The following DUSP10 variants were observed in gnomAD, a reference collection of about 807,000 sequenced individuals.
DUSP10 encodes dual specificity protein phosphatase 10.
DUSP10 carries 14 observed loss-of-function variants against 30.8 expected under a neutral mutation model. That is an observed-to-expected ratio of 0.46 (90% confidence interval 0.30 to 0.71). The LOEUF is 0.71. Ranked by LOEUF, DUSP10 falls within the 30% of genes least tolerant of loss-of-function variation. The pLI is 0.08. For synonymous variants in DUSP10, 254 were observed against 250.4 expected (o/e 1.01, Z -0.14); for missense variants, 550 against 619.4 (o/e 0.89, Z 1.19).
At chr1:221,727,317 C>T (rs1311693450) in intron 2 of DUSP10, among the ~76,000 whole-genome samples, 1 of 152,196 alleles carries the variant, frequency 6.6e-6, no homozygotes, top group African/African-American at 2.4e-5. Context: ...ACAAGATTTG[C>T]TTATTTAACA....
chr1:221,739,011 C>A lies in DUSP10; in HGVS notation c.734G>T (p.Arg245Leu). The change falls in exon 2 of 4, where the codon CGA becomes CTA. Residue 245 changes from arginine (R) to leucine (L), a missense_variant. By Grantham distance (102) the Arg-to-Leu change is moderately radical (BLOSUM62 -2). Coordinates refer to ENST00000366899, the MANE Select transcript of DUSP10 (RefSeq NM_007207.6). The part of the protein sequence containing the change: ...VYDENTNEPS[R>L]VMPSQPLHIV... ...GTGAAGTGGCTGGGAGGGCATCACT[C>A]GGCTTGGTTCATTGGTATTCTCATC... 6.2e-7 allele frequency: 1 copy of A among 1,614,126 alleles called. No individual in the cohort carries two copies. The highest frequency in any genetic ancestry group is 8.5e-7 in the Non-Finnish European group (1 of 1,179,994).
At chr1:221,737,848 C>A (rs931936249) in intron 2 of DUSP10, among the ~76,000 whole-genome samples, 1 of 152,216 alleles carries the variant, frequency 6.6e-6, no homozygotes, top group Non-Finnish European at 1.5e-5. Flanking sequence ...TGTCCTATTG[C>A]AATTTAAATA....
At chr1:221,724,296 C>T (rs111863907) in intron 2 of DUSP10, among the ~76,000 whole-genome samples, 4,519 of 152,132 alleles carry the variant, frequency 0.03, 242 homozygotes, top group African/African-American at 0.1. Flanking sequence ...ACATTGAGAT[C>T]GGCAACATTT....
At chr1:221,719,136 C>T (rs1286635582) in intron 2 of DUSP10, among the ~76,000 whole-genome samples, 1 of 152,174 alleles carries the variant, frequency 6.6e-6, no homozygotes, top group East Asian at 1.9e-4. Flanking sequence ...GGTCAAAGAG[C>T]TCTGGCTTAG....
chr1:221,736,315 T>C (rs1661769727), intron 2 of DUSP10, among the ~76,000 whole-genome samples: 1 of 152,192 alleles, frequency 6.6e-6, no homozygotes, highest in Non-Finnish European at 1.5e-5. Flanking sequence ...CCCAAGATTG[T>C]ACTGAAATCT....
chr1:221,702,369 G>T lies in DUSP10; in HGVS notation c.*43C>A. ...CCAGAATCCATCCTCCTTCCTCATTGTCTCCTAATGGAGAGCAGCAATCCT... is the reference window on the plus strand; with the variant it reads ...CCAGAATCCATCCTCCTTCCTCATTTTCTCCTAATGGAGAGCAGCAATCCT... On this transcript the variant is annotated 3_prime_UTR_variant, in exon 4 of 4. Transcript: ENST00000366899. The surrounding 1 kb of genome is among the most constrained non-coding windows in gnomAD (Gnocchi z 4.5). 1.9e-6 allele frequency: 3 copies of T among 1,561,398 alleles called. No homozygotes were observed.
chr1:221,717,903 G>A (rs1411425714), intron 2 of DUSP10, among the ~76,000 whole-genome samples: 3 of 152,098 alleles, frequency 2.0e-5, no homozygotes, highest in Non-Finnish European at 2.9e-5. Context: ...TTTGGTTAAA[G>A]CAGCCCAAAT....
Position 221,739,799 on chromosome 1 carries a change from G to C in DUSP10, c.-43-12C>G. On this transcript the variant is annotated splice_polypyrimidine_tract_variant and intron_variant, in intron 1 of 3. Transcript: ENST00000366899. ...GAACTCAAGACAGTCTGTAAAGAAG[G>C]GGAAGGGGGAAAGAAAGAATAAAGT... 1 of 1,510,780 alleles carries C rather than the reference G, an allele frequency of 6.6e-7. No individual in the cohort carries two copies. The highest frequency in any genetic ancestry group is 8.8e-7 in the Non-Finnish European group (1 of 1,134,122). The allele number at this position is 1,510,780 out of a possible 1,614,324, so 93.6% of individuals were successfully genotyped here. A position where few individuals can be genotyped will look rare whatever the true frequency, so the allele number is the denominator to read the frequency against.
At position 221,702,391 on chromosome 1, in the gene DUSP10, T is replaced by G; in HGVS notation, c.*21A>C. ...ATTGTCTCCTAATGGAGAGCAGCAA[T>G]CCTTTCCATCCAGACCATTGTCACA... On this transcript the variant is annotated 3_prime_UTR_variant, in exon 4 of 4. Coordinates refer to ENST00000366899, the MANE Select transcript of DUSP10 (RefSeq NM_007207.6). The surrounding 1 kb of genome is among the most constrained non-coding windows in gnomAD (Gnocchi z 4.5). The G allele has an allele frequency of 1.2e-6, 2 of 1,610,124 alleles. No individual in the cohort carries two copies. The highest frequency in any genetic ancestry group is 1.7e-6 in the Non-Finnish European group (2 of 1,177,858).
chr1:221,706,076 C>A lies in DUSP10; in HGVS notation c.1183+19G>T. On this transcript the variant is annotated intron_variant, in intron 3 of 3. Coordinates refer to ENST00000366899, the MANE Select transcript of DUSP10 (RefSeq NM_007207.6). This position sits in a 1 kb window ranked among gnomAD's most constrained non-coding sequence, Gnocchi z 4.6. ...AAAAGGAAGGCAGCGGATGAAAATT[C>A]CCTATGGGAGATAGTTACCAATGAA... is the stretch of plus-strand genomic sequence containing the variant. 5 of 1,606,036 alleles carry A rather than the reference C, an allele frequency of 3.1e-6. No individual in the cohort carries two copies. Among genetic ancestry groups the A allele is most frequent in the Non-Finnish European group, 4.3e-6 (5 of 1,175,028 alleles).
At chr1:221,724,628 T>G (rs1571823159) in intron 2 of DUSP10, among the ~76,000 whole-genome samples, 1 of 152,310 alleles carries the variant, frequency 6.6e-6, no homozygotes, top group Non-Finnish European at 1.5e-5. Flanking sequence ...TTTAATACTA[T>G]TGCTATCCCC....
At chr1:221,723,997 C>T (rs948444125) in intron 2 of DUSP10, among the ~76,000 whole-genome samples, 3 of 152,212 alleles carry the variant, frequency 2.0e-5, no homozygotes, top group Admixed American at 6.5e-5. Flanking sequence ...CCTGAGTCAT[C>T]GCATTAACAT....
intron 2 of DUSP10, among the ~76,000 whole-genome samples, chr1:221,733,781 T>G (rs1288623794): frequency 7.9e-5 from 12 of 152,320 alleles, no homozygotes; most frequent in African/African-American, 1.9e-4. Context: ...TCAATGGAAA[T>G]GCCTAGATTT....
At chr1:221,707,833 A>G (rs1660811329) in intron 2 of DUSP10, among the ~76,000 whole-genome samples, 1 of 152,350 alleles carries the variant, frequency 6.6e-6, no homozygotes, top group East Asian at 1.9e-4. Context: ...GCTAAGTAAA[A>G]AACATTGACC....
At chr1:221,703,994 G>A (rs1382353777) in intron 3 of DUSP10, among the ~76,000 whole-genome samples, 2 of 152,144 alleles carry the variant, frequency 1.3e-5, no homozygotes, top group African/African-American at 2.4e-5. Flanking sequence ...ACGGTATTTA[G>A]CTCCAAGTCA....
intron 2 of DUSP10, among the ~76,000 whole-genome samples, chr1:221,733,528 T>C (rs954156262): frequency 6.6e-6 from 1 of 152,264 alleles, no homozygotes; most frequent in African/African-American, 2.4e-5. Flanking sequence ...CCCACAGTAC[T>C]GTGCTTAGAA....
intron 1 of DUSP10, among the ~76,000 whole-genome samples, chr1:221,740,361 G>A (rs973947978): frequency 6.6e-6 from 1 of 152,192 alleles, no homozygotes; most frequent in African/African-American, 2.4e-5. Context: ...TTAACTTGGA[G>A]CTATTCTTGC....
intron 2 of DUSP10, among the ~76,000 whole-genome samples, chr1:221,728,116 C>T (rs1029839328): frequency 6.6e-6 from 1 of 152,180 alleles, no homozygotes; most frequent in African/African-American, 2.4e-5. Context: ...CACACTTGCT[C>T]ATCATGTGAT....
chr1:221,739,165 T>C lies in DUSP10; in HGVS notation c.580A>G (p.Ile194Val), dbSNP rs770644727. The change falls in exon 2 of 4, where the codon ATT (isoleucine) becomes GTT (valine). Residue 194 changes from isoleucine to valine, a missense_variant. By Grantham distance (29) the Ile-to-Val change is conservative (BLOSUM62 3). Transcript: ENST00000366899. ...NKSHIQGAVH[I>V]NCADKISRRR... ...CGGCTGATCTTATCGGCACAGTTAA[T>C]GTGGACAGCTCCTTGGATGTGACTC... 36 of 1,614,106 alleles carry C rather than the reference T, an allele frequency of 2.2e-5. No individual in the cohort carries two copies. The highest frequency in any genetic ancestry group is 1.5e-4 in the Admixed American group (9 of 60,014).
Sources: gnomAD v4.1 joint callset for allele counts (sites outside exome capture counted in the v4.1 genomes callset) on GRCh38, gnomAD v4.1.1 for gene constraint, Gnocchi (gnomAD v3.1) non-coding constraint, MANE v1.5 for transcripts, NCBI Gene and HGNC (gene_info 2026-07-23, HGNC 2026-07-21) for gene names.